LTBP2: variants seen among roughly 807,000 people sequenced by gnomAD.
The protein encoded by LTBP2 is latent-transforming growth factor beta-binding protein 2.
LTBP2 carries 103 observed loss-of-function variants against 210.6 expected under a neutral mutation model. The observed-to-expected ratio is 0.49, with a 90% CI of 0.42 to 0.58. The LOEUF (loss-of-function observed/expected upper bound fraction) is 0.58. Among genes scored for constraint, LTBP2 ranks in the 20% least tolerant of loss-of-function variants. The pLI, the probability that LTBP2 is intolerant of heterozygous loss-of-function variation, is 0.00. For synonymous variants in LTBP2, 1,007 were observed against 1,015.0 expected, an observed-to-expected ratio of 0.99 and a Z score of 0.15; for missense variants, 2,313 against 2,494.5, an observed-to-expected ratio of 0.93 and a Z score of 1.55.
At chr14:74,574,921 T>C (rs2088036156) in intron 3 of LTBP2, among the ~76,000 whole-genome samples, 1 of 152,204 alleles carries the variant, frequency 6.6e-6, no homozygotes, top group Non-Finnish European at 1.5e-5. Flanking sequence ...ATCTGCCCAG[T>C]GCCCCATGTG....
In LTBP2 at chr14:74,500,752, G is replaced by T; in HGVS notation, c.*132C>A. The T allele has an allele frequency of 8.0e-7, 1 of 1,251,770 alleles. No homozygotes were observed. Among genetic ancestry groups the T allele is most frequent in the Non-Finnish European group, 1.2e-6 (1 of 862,150 alleles). The allele number at this position is 1,251,770 out of a possible 1,614,324, so 77.5% of individuals were successfully genotyped here. On this transcript the variant is annotated 3_prime_UTR_variant, in exon 36 of 36. Coordinates refer to ENST00000261978, the MANE Select transcript of LTBP2 (RefSeq NM_000428.3). ...AGCCAGAGGCTAAGCTGGGAGAGAT[G>T]AAAGCAGGCAAGGCTGATTGGAAAC... is the stretch of plus-strand genomic sequence containing the variant.
At chr14:74,575,605 C>T (rs915806401) in intron 3 of LTBP2, among the ~76,000 whole-genome samples, 6 of 152,232 alleles carry the variant, frequency 3.9e-5, no homozygotes, top group Non-Finnish European at 8.8e-5. Context: ...GCCTCAGACC[C>T]ATCTGGCCAC....
chr14:74,500,157 TC>T lies in LTBP2; in HGVS notation c.*726del. ...TTCTTTAGACGTATAAAGCCTTGGC[TC>T]CCCTTTCTCATCAACTCCACGTATT... On this transcript the variant is annotated 3_prime_UTR_variant, in exon 36 of 36. Coordinates refer to ENST00000261978, the MANE Select transcript of LTBP2 (RefSeq NM_000428.3). 1 of 234,730 alleles carries T rather than the reference TC, an allele frequency of 4.3e-6. No individual in the cohort carries two copies. The highest frequency in any genetic ancestry group is 8.4e-6 in the Non-Finnish European group (1 of 119,112). 14.5% of individuals were successfully genotyped at this position (234,730 alleles called of 1,614,324 possible).
At chr14:74,570,661 C>G (rs144766517) in intron 3 of LTBP2, among the ~76,000 whole-genome samples, 3 of 152,078 alleles carry the variant, frequency 2.0e-5, no homozygotes, top group Non-Finnish European at 4.4e-5. Flanking sequence ...AGTACAGCAA[C>G]CCTATGATAC....
intron 2 of LTBP2, among the ~76,000 whole-genome samples, chr14:74,601,382 C>T (rs1769513482): frequency 6.6e-6 from 1 of 152,076 alleles, no homozygotes; most frequent in East Asian, 1.9e-4. Context: ...CTTGTCTCTA[C>T]AAAAAATTAA....
chr14:74,588,392 T>C (rs2088237696), intron 2 of LTBP2, among the ~76,000 whole-genome samples: 1 of 152,168 alleles, frequency 6.6e-6, no homozygotes, highest in South Asian at 2.1e-4. Context: ...CTGCTAATTT[T>C]GTATTTTTAT....
At chr14:74,507,051 A>G (rs1428470347) in intron 26 of LTBP2, 128 bp downstream of exon 26, 12 of 1,568,320 alleles carry the variant, frequency 7.7e-6, no homozygotes, top group South Asian at 1.1e-5. Context: ...GCTCTGCTGG[A>G]TGGAAAATAT....
At position 74,506,102 on chromosome 14, in the gene LTBP2, C is replaced by T; in HGVS notation, c.4123G>A (p.Asp1375Asn). 1.2e-6 allele frequency: 2 copies of T among 1,614,210 alleles called. No homozygotes were observed. The highest frequency in any genetic ancestry group is 1.7e-6 in the Non-Finnish European group (2 of 1,180,046). ...EGSFLCLCAS[D>N]LEEYDAQEGH... The stretch of plus-strand genomic sequence containing the variant: ...TCCTGGGCATCGTACTCCTCCAGGT[C>T]ACTGGCACAGAGGCACAGGAAGGAG... The change falls in exon 28 of 36, where the codon GAC becomes AAC. Residue 1375 changes from aspartate (D) to asparagine (N), a missense_variant. Around this residue, in one of 3 missense-constraint regions of LTBP2, gnomAD observed 1,867 missense variants for 1,976.9 expected, o/e 0.94. Coordinates refer to ENST00000261978, the MANE Select transcript of LTBP2 (RefSeq NM_000428.3).
At chr14:74,608,697 ACT>A (rs2088561892) in intron 1 of LTBP2, among the ~76,000 whole-genome samples, 1 of 144,110 alleles carries the variant, frequency 6.9e-6, no homozygotes, top group African/African-American at 2.6e-5. Context: ...AGGGCAAGAG[ACT>A]CTATCTCAAA....
At chr14:74,503,123 G>C in intron 33 of LTBP2, 96 bp downstream of exon 33, 1 of 1,560,428 alleles carries the variant, frequency 6.4e-7, no homozygotes, top group Non-Finnish European at 8.7e-7. Flanking sequence ...CCTTTGCTCT[G>C]CTCCTTCTTT....
chr14:74,605,548 C>G (rs940632679), intron 1 of LTBP2, among the ~76,000 whole-genome samples: 1 of 152,342 alleles, frequency 6.6e-6, no homozygotes, highest in Non-Finnish European at 1.5e-5. Flanking sequence ...TATGTCACCA[C>G]CCCTTGTGGT....
chr14:74,577,805 T>C (rs1477107130), intron 3 of LTBP2, among the ~76,000 whole-genome samples: 1 of 151,474 alleles, frequency 6.6e-6, no homozygotes, highest in Non-Finnish European at 1.5e-5. Flanking sequence ...CGCGCCCAGC[T>C]GACCATTAGC....
chr14:74,529,176 C>T (rs958149780), intron 10 of LTBP2, 54 bp from the exon 11 acceptor site: 31 of 1,546,074 alleles, frequency 2.0e-5, no homozygotes, highest in Admixed American at 1.2e-4. Context: ...GAGGGGAATG[C>T]GCAGCTGGGA....
chr14:74,531,525 A>C (rs1394546862), intron 10 of LTBP2, among the ~76,000 whole-genome samples: 1 of 151,854 alleles, frequency 6.6e-6, no homozygotes, highest in Admixed American at 6.6e-5. Flanking sequence ...CTCTCTGGGC[A>C]CCCCCCTCCT....
chr14:74,612,051 T>C lies in LTBP2; in HGVS notation c.-107A>G. On this transcript the variant is annotated 5_prime_UTR_variant, in exon 1 of 36. Transcript: ENST00000261978. The stretch of plus-strand genomic sequence containing the variant: ...CTCCCGGCCCCGCCCGGCGGCCAGC[T>C]TCTCTGAGTCTAGGGGGCCCTGAAG... 4.7e-6 allele frequency: 6 copies of C among 1,279,882 alleles called. No homozygotes were observed. The highest frequency in any genetic ancestry group is 6.1e-6 in the Non-Finnish European group (6 of 977,604). The allele number at this position is 1,279,882 out of a possible 1,614,324, so 79.3% of individuals were successfully genotyped here.
chr14:74,571,442 T>C (rs565357648), intron 3 of LTBP2, among the ~76,000 whole-genome samples: 32 of 152,334 alleles, frequency 2.1e-4, no homozygotes, highest in African/African-American at 7.2e-4. Context: ...GTAGCAATGA[T>C]CATCCCCAGC....
chr14:74,592,300 C>A (rs895322977), intron 2 of LTBP2, among the ~76,000 whole-genome samples: 4 of 152,198 alleles, frequency 2.6e-5, no homozygotes, highest in African/African-American at 9.7e-5. Context: ...AGAGAGAAAA[C>A]CTCCATCCAT....
At chr14:74,520,031 C>T (rs1276396354) in intron 17 of LTBP2, among the ~76,000 whole-genome samples, 3 of 152,242 alleles carry the variant, frequency 2.0e-5, no homozygotes, top group African/African-American at 7.2e-5. Context: ...TACTGGCTAC[C>T]CATGCCTGTG....
chr14:74,505,282 G>GA, intron 28 of LTBP2, 108 bp from the exon 29 acceptor site: 1 of 1,277,246 alleles, frequency 7.8e-7, no homozygotes, highest in Non-Finnish European at 1.1e-6. Flanking sequence ...CTTTACAGTG[G>GA]AAAAAATTCT....
Sources: allele counts gnomAD v4.1 joint callset (sites outside exome capture counted in the v4.1 genomes callset), GRCh38; gene constraint gnomAD v4.1.1; regional missense constraint gnomAD v4.1.1; transcripts MANE v1.5; gene names NCBI Gene and HGNC (gene_info 2026-07-23, HGNC 2026-07-21).